TMED5: variants seen among roughly 807,000 people sequenced by gnomAD.
TMED5 encodes the protein transmembrane emp24 domain-containing protein 5.
TMED5 carries 27 observed loss-of-function variants against 23.0 expected under a neutral mutation model. The observed-to-expected ratio is 1.17, with a 90% CI of 0.86 to 1.62. The LOEUF is 1.62. TMED5 is among the 40% of genes most tolerant of loss of function. The probability of loss-of-function intolerance (pLI) is 0.00; values close to 1 mark genes in which losing one functional copy is unlikely to be tolerated. For missense variants in TMED5, 248 were observed against 273.7 expected (o/e 0.91, Z 0.66); for synonymous variants, 97 against 100.8 (o/e 0.96, Z 0.23).
rs1449369970 is a variant in TMED5 at position 93,150,420 on chromosome 1, GTAACATTTGTGAATGTTAAGTTT to G, written c.*4227_*4249del. Reference sequence around the variant, plus strand: ...TGGCTATTATAAATGAAGGTGCTATGTAACATTTGTGAATGTTAAGTTTTAACTTCTCAGGGATAACTGTCAAG... The same window carrying G: ...TGGCTATTATAAATGAAGGTGCTATGTAACTTCTCAGGGATAACTGTCAAG... On this transcript the variant is annotated 3_prime_UTR_variant, in exon 4 of 4. Transcript: ENST00000370282. 1.1e-4 allele frequency: 16 copies of G among 152,292 alleles called. No individual in the cohort carries two copies. The highest frequency in any genetic ancestry group is 3.9e-4 in the African/African-American group (16 of 41,552). 9.4% of individuals were successfully genotyped at this position (152,292 alleles called of 1,614,324 possible). A position where few individuals can be genotyped will look rare whatever the true frequency, so the allele number is the denominator to read the frequency against.
At position 93,168,061 on chromosome 1, in the gene TMED5, A is replaced by C. The variant is rs1299816223; in HGVS notation, c.190-7835T>G. Among the ~76,000 whole-genome samples the C allele has an allele frequency of 2.0e-5, 3 of 152,154 alleles. No homozygotes were observed. In the South Asian group the frequency reaches 6.2e-4, roughly 32 times the overall value. On this transcript the variant is annotated intron_variant, in intron 1 of 3. Coordinates refer to ENST00000370282, the MANE Select transcript of TMED5 (RefSeq NM_016040.5). ...TTGATATGATGTATCATATCATTCT[A>C]CTGATTGATTTGAGAATGCTGAACC... is the stretch of plus-strand genomic sequence containing the variant.
chr1:93,169,431 A>G (rs1231403409), intron 1 of TMED5, among the ~76,000 whole-genome samples: 2 of 152,218 alleles, frequency 1.3e-5, no homozygotes, highest in East Asian at 1.9e-4. Flanking sequence ...AGGGAAATTT[A>G]TAACATTGGA....
chr1:93,176,648 C>T (rs886075570), intron 1 of TMED5, among the ~76,000 whole-genome samples: 3 of 152,152 alleles, frequency 2.0e-5, no homozygotes, highest in African/African-American at 7.2e-5. Flanking sequence ...ATCCTCCCAC[C>T]TCAGCCTCCC....
At chr1:93,163,332 A>G (rs1648354066) in intron 1 of TMED5, 1 of 151,740 alleles carries the variant, frequency 6.6e-6, no homozygotes, top group South Asian at 2.1e-4. Flanking sequence ...TTAATTAAAA[A>G]ATCATAAAAT....
chr1:93,172,053 A>C (rs1040468536), intron 1 of TMED5, among the ~76,000 whole-genome samples: 4 of 152,234 alleles, frequency 2.6e-5, no homozygotes, highest in African/African-American at 9.6e-5. Flanking sequence ...AACTAGGAAT[A>C]GAGGGGAACT....
Position 93,154,899 on chromosome 1 carries a change from A to G in TMED5, c.472-11T>C, listed in dbSNP as rs1438804205. ...GCTGTTGATGGATTCCTGGAGATAA[A>G]TAAAATAATTTTATTATTAAAGAAT... On this transcript the variant is annotated splice_polypyrimidine_tract_variant and intron_variant, in intron 3 of 3. Transcript: ENST00000370282. 1.3e-6 allele frequency: 2 copies of G among 1,535,160 alleles called. No homozygotes were observed. The highest frequency in any genetic ancestry group is 2.8e-5 in the African/African-American group (2 of 72,216).
intron 1 of TMED5, among the ~76,000 whole-genome samples, chr1:93,172,156 G>A (rs1006517524): frequency 2.0e-5 from 3 of 152,040 alleles, no homozygotes; most frequent in Admixed American, 6.6e-5. Context: ...TCAGAAACAA[G>A]ACAAAGATGC....
Position 93,166,544 on chromosome 1 carries a change from A to T in TMED5, c.190-6318T>A, listed in dbSNP as rs568878692. On this transcript the variant is annotated intron_variant, in intron 1 of 3. Coordinates refer to ENST00000370282, the MANE Select transcript of TMED5 (RefSeq NM_016040.5). ...GTTGAGCACATTTTCATATGCCTAT[A>T]TGCTATTTGTATGTCTTCTTTTGAG... Among the ~76,000 whole-genome samples, 14 of 152,300 alleles carry T rather than the reference A, an allele frequency of 9.2e-5. No homozygotes were observed. The South Asian group carries it at 2.9e-3, about 32-fold the overall frequency.
chr1:93,158,122 C>CAAAA (rs755186139), intron 2 of TMED5, among the ~76,000 whole-genome samples: 5 of 69,718 alleles, frequency 7.2e-5, no homozygotes, highest in Admixed American at 1.5e-4. Flanking sequence ...GACTCCGTCT[C>CAAAA]AAAAAAAAAA....
chr1:93,173,965 GTTTTT>G (rs894595684), intron 1 of TMED5, among the ~76,000 whole-genome samples: 1 of 146,240 alleles, frequency 6.8e-6, no homozygotes, highest in African/African-American at 2.5e-5. Flanking sequence ...GTTTTTTTTT[GTTTTT>G]TTTTTGAGAT....
chr1:93,159,067 T>C (rs1401778399), intron 2 of TMED5, among the ~76,000 whole-genome samples: 1 of 152,202 alleles, frequency 6.6e-6, no homozygotes, highest in African/African-American at 2.4e-5. Context: ...GACATTTTTT[T>C]CCTCTCATCC....
intron 1 of TMED5, among the ~76,000 whole-genome samples, chr1:93,178,619 G>T (rs775385235): frequency 6.6e-6 from 1 of 151,918 alleles, no homozygotes; most frequent in Non-Finnish European, 1.5e-5. Flanking sequence ...CACAATTCCT[G>T]GCACGTGTTA....
rs1481207219 is a variant in TMED5 at position 93,180,251 on chromosome 1, G to C, written c.-9C>G. On this transcript the variant is annotated 5_prime_UTR_variant, in exon 1 of 4. Coordinates refer to ENST00000370282, the MANE Select transcript of TMED5 (RefSeq NM_016040.5). ...CAGATCTTGTCGCCCATCCCTGCTGGGGCGATCCCGGGCTGAAAGAGGCGT... is the reference window on the plus strand; with the variant it reads ...CAGATCTTGTCGCCCATCCCTGCTGCGGCGATCCCGGGCTGAAAGAGGCGT... The C allele has an allele frequency of 6.3e-7, 1 of 1,599,914 alleles. No individual in the cohort carries two copies.
In TMED5 at chr1:93,180,024, G is replaced by T. The variant is rs748290061; in HGVS notation, c.189+30C>A. On this transcript the variant is annotated intron_variant, in intron 1 of 3. Transcript: ENST00000370282. ...ACAACGCAGTGCAGCTGGGTTAAAG[G>T]AAGGAGGCTGGTTTATCCTCCGCAC... 8 of 1,600,884 alleles carry T rather than the reference G, an allele frequency of 5.0e-6. No individual in the cohort carries two copies. The South Asian group carries it at 7.8e-5, about 16-fold the overall frequency.
At chr1:93,160,254 A>G (rs1251168084) in intron 1 of TMED5, 28 bp from the exon 2 acceptor site, 3 of 1,363,838 alleles carry the variant, frequency 2.2e-6, no homozygotes, top group Admixed American at 3.6e-5. Flanking sequence ...TGAGAAAAAC[A>G]TATATTACAA....
intron 1 of TMED5, among the ~76,000 whole-genome samples, chr1:93,176,554 G>A (rs1387294599): frequency 1.3e-5 from 2 of 151,548 alleles, no homozygotes; most frequent in Non-Finnish European, 2.9e-5. Flanking sequence ...TTTTTTTGAG[G>A]CAGGGTCTCG....
chr1:93,176,745 G>A (rs1427257656), intron 1 of TMED5, among the ~76,000 whole-genome samples: 1 of 152,066 alleles, frequency 6.6e-6, no homozygotes, highest in Non-Finnish European at 1.5e-5. Context: ...TGTCCAGGCT[G>A]GTGTGAAACG....
chr1:93,171,960 T>C (rs774818365), intron 1 of TMED5, among the ~76,000 whole-genome samples: 3 of 152,184 alleles, frequency 2.0e-5, no homozygotes, highest in Non-Finnish European at 2.9e-5. Flanking sequence ...AAAACTCAGA[T>C]GATCACAGCA....
chr1:93,179,367 C>CAAAA (rs11332484), intron 1 of TMED5, among the ~76,000 whole-genome samples: 3 of 96,196 alleles, frequency 3.1e-5, no homozygotes, highest in African/African-American at 1.2e-4. Flanking sequence ...GACTCCGTCT[C>CAAAA]AAAAAAAAAA....
Sources: allele counts gnomAD v4.1 joint callset (sites outside exome capture counted in the v4.1 genomes callset), GRCh38; gene constraint gnomAD v4.1.1; transcripts MANE v1.5; gene names NCBI Gene and HGNC (gene_info 2026-07-23, HGNC 2026-07-21).